The following RAB3C variants were observed in gnomAD, a reference collection of about 807,000 sequenced individuals.
RAB3C encodes the protein RAB3C, member RAS oncogene family.
A neutral mutation model predicts 26.4 loss-of-function variants in RAB3C; 17 were observed. The observed-to-expected ratio is 0.64, with a 90% CI of 0.44 to 0.97. The LOEUF is 0.97. Ranked by LOEUF, RAB3C falls within the 50% of genes least tolerant of loss-of-function variation. RAB3C has a pLI of 0.00. For missense variants in RAB3C, 242 were observed against 281.9 expected (o/e 0.86, Z 1.01); for synonymous variants, 91 against 95.9 (o/e 0.95, Z 0.30).
chr5:58,716,040 G>A (rs1233392722), intron 2 of RAB3C, among the ~76,000 whole-genome samples: 6 of 117,566 alleles, frequency 5.1e-5, no homozygotes, highest in African/African-American at 1.4e-4. Context: ...AAAAAAAAAA[G>A]AAAAGGAAAA....
chr5:58,674,023 A>T (rs111518353), intron 2 of RAB3C, among the ~76,000 whole-genome samples: 197 of 152,366 alleles, frequency 1.3e-3, no homozygotes, highest in Middle Eastern at 6.8e-3. Context: ...CAGCACAATG[A>T]TAGTACAGGC....
Position 58,658,517 on chromosome 5 carries a change from T to C in RAB3C, c.252+40647T>C, listed in dbSNP as rs533347868. 2.0e-5 allele frequency among the ~76,000 whole-genome samples: 3 copies of C among 152,366 alleles called. No individual in the cohort carries two copies. In the South Asian group the frequency reaches 6.2e-4, roughly 32 times the overall value. ...TGATTTAGCAGCCTACTGGAAATTA[T>C]GCCATGGTTAATGAAAAGATAAAAA... On this transcript the variant is annotated intron_variant, in intron 2 of 4. Coordinates refer to ENST00000282878, the MANE Select transcript of RAB3C (RefSeq NM_138453.4).
At chr5:58,822,720 G>A (rs1427809836) in intron 3 of RAB3C, 25 of 470,522 alleles carry the variant, frequency 5.3e-5, no homozygotes, top group South Asian at 1.7e-4. Flanking sequence ...AAGGGGATAC[G>A]GTAGTCTGCG....
chr5:58,779,447 C>T (rs751349000), intron 3 of RAB3C, among the ~76,000 whole-genome samples: 2 of 151,690 alleles, frequency 1.3e-5, no homozygotes, highest in South Asian at 4.2e-4. Context: ...TGCAGTGGCA[C>T]AGTCATGGCT....
At chr5:58,604,514 T>A (rs1442207255) in intron 1 of RAB3C, among the ~76,000 whole-genome samples, 1 of 152,112 alleles carries the variant, frequency 6.6e-6, no homozygotes, top group Non-Finnish European at 1.5e-5. Context: ...GGGGTGAGAT[T>A]TCCAGGACAC....
At chr5:58,610,300 C>G (rs555825440) in intron 1 of RAB3C, among the ~76,000 whole-genome samples, 2 of 149,808 alleles carry the variant, frequency 1.3e-5, no homozygotes, top group South Asian at 2.2e-4. Flanking sequence ...AATTTAACTT[C>G]ATGAGAAACT....
At chr5:58,722,002 A>G (rs527907013) in intron 2 of RAB3C, among the ~76,000 whole-genome samples, 41 of 151,726 alleles carry the variant, frequency 2.7e-4, no homozygotes, top group Non-Finnish European at 4.4e-5. Flanking sequence ...TGGCTATTCA[A>G]TCCATGGGTT....
At chr5:58,690,104 A>G (rs1748537078) in intron 2 of RAB3C, among the ~76,000 whole-genome samples, 1 of 152,166 alleles carries the variant, frequency 6.6e-6, no homozygotes, top group African/African-American at 2.4e-5. Context: ...CTAGAGGCAG[A>G]AATAAGGTTA....
chr5:58,687,143 C>A (rs971599520), intron 2 of RAB3C, among the ~76,000 whole-genome samples: 1 of 152,044 alleles, frequency 6.6e-6, no homozygotes, highest in African/African-American at 2.4e-5. Context: ...ATCATTTTAT[C>A]CATCTTCGTG....
intron 3 of RAB3C, among the ~76,000 whole-genome samples, chr5:58,816,116 AC>A (rs1310901391): frequency 6.6e-6 from 1 of 152,186 alleles, no homozygotes; most frequent in Non-Finnish European, 1.5e-5. Context: ...ACACAGCTAA[AC>A]TTTGGGCCCC....
At chr5:58,749,144 G>T (rs201263058) in intron 3 of RAB3C, among the ~76,000 whole-genome samples, 5 of 102,456 alleles carry the variant, frequency 4.9e-5, no homozygotes, top group Admixed American at 1.1e-4. Context: ...TATATTTTAT[G>T]AGTAGAATTG....
chr5:58,694,844 G>A (rs1295528737), intron 2 of RAB3C, among the ~76,000 whole-genome samples: 2 of 152,106 alleles, frequency 1.3e-5, no homozygotes, highest in African/African-American at 4.8e-5. Flanking sequence ...TTTGTCAGAT[G>A]GGTAGATTGC....
At chr5:58,790,630 A>G (rs1422284946) in intron 3 of RAB3C, among the ~76,000 whole-genome samples, 1 of 152,108 alleles carries the variant, frequency 6.6e-6, no homozygotes. Context: ...AACAAGGACC[A>G]CTAGAGCCTA....
chr5:58,716,767 G>T lies in RAB3C; in HGVS notation c.253-9235G>T, dbSNP rs536666673. Among the ~76,000 whole-genome samples, 485 of 144,016 alleles carry T rather than the reference G, an allele frequency of 3.4e-3. 1 individual carries two copies. The highest frequency in any genetic ancestry group is 5.8e-3 in the Non-Finnish European group (386 of 66,630). 94.5% of individuals were successfully genotyped at this position (144,016 alleles called of 152,430 possible). A position where few individuals can be genotyped will look rare whatever the true frequency, so the allele number is the denominator to read the frequency against. On this transcript the variant is annotated intron_variant, in intron 2 of 4. Coordinates refer to ENST00000282878, the MANE Select transcript of RAB3C (RefSeq NM_138453.4). ...CCATCCCCAAACCATGACTCGAATA[G>T]ATCTCATAGTATTTCCAGTCATTGT... is the stretch of plus-strand genomic sequence containing the variant.
At chr5:58,768,025 CATTTGTATA>C (rs1255712783) in intron 3 of RAB3C, among the ~76,000 whole-genome samples, 2 of 152,116 alleles carry the variant, frequency 1.3e-5, no homozygotes, top group Non-Finnish European at 2.9e-5. Context: ...GTCCAGCTCA[CATTTGTATA>C]AGACTTCCAA....
At chr5:58,671,029 C>T (rs1193615956) in intron 2 of RAB3C, among the ~76,000 whole-genome samples, 1 of 151,966 alleles carries the variant, frequency 6.6e-6, no homozygotes, top group African/African-American at 2.4e-5. Context: ...TTCTGTGGGC[C>T]CCAGTTTATT....
At chr5:58,844,345 A>G (rs1370748056) in intron 4 of RAB3C, among the ~76,000 whole-genome samples, 1 of 152,222 alleles carries the variant, frequency 6.6e-6, no homozygotes, top group Non-Finnish European at 1.5e-5. Context: ...CTAAAGACAC[A>G]GACTCAGGGG....
intron 3 of RAB3C, among the ~76,000 whole-genome samples, chr5:58,767,019 G>C (rs903931087): frequency 6.6e-5 from 10 of 152,022 alleles, no homozygotes; most frequent in African/African-American, 2.4e-4. Context: ...ATAGCCAGCG[G>C]GGGGGACTCA....
At chr5:58,617,445 C>T in intron 1 of RAB3C, 198 bp from the exon 2 acceptor site, 1 of 759,554 alleles carries the variant, frequency 1.3e-6, no homozygotes, top group Non-Finnish European at 2.4e-6. Context: ...GTAAGATTTG[C>T]TATTCTGTCT....
Sources: gnomAD v4.1 joint callset for allele counts (sites outside exome capture counted in the v4.1 genomes callset) on GRCh38, gnomAD v4.1.1 for gene constraint, MANE v1.5 for transcripts, NCBI Gene and HGNC (gene_info 2026-07-23, HGNC 2026-07-21) for gene names.